DLG2: variants seen among roughly 807,000 people sequenced by gnomAD.
The protein encoded by DLG2 is discs large MAGUK scaffold protein 2, also known as disks large homolog 2.
In DLG2, 45 loss-of-function variants were observed where a neutral mutation model predicts 132.5. The ratio of observed to expected loss-of-function variants is 0.34; its 90% CI spans 0.27 to 0.44. The LOEUF is 0.44. Ranked by LOEUF, DLG2 falls within the 20% of genes least tolerant of loss-of-function variation. The pLI is 1.00. For synonymous variants in DLG2, 424 were observed against 419.6 expected (o/e 1.01, Z -0.13); for missense variants, 1,045 against 1,196.9 (o/e 0.87, Z 1.87).
intron 6 of DLG2, among the ~76,000 whole-genome samples, chr11:85,087,864 A>AAAAAAAAAAAAAAAAAAAAAAAG (rs2068187524): frequency 6.7e-6 from 1 of 149,086 alleles, no homozygotes; most frequent in Non-Finnish European, 1.5e-5. Context: ...AAAAAAAAAA[A>AAAAAAAAAAAAAAAAAAAAAAAG]AAAAACAGAT....
intron 3 of DLG2, among the ~76,000 whole-genome samples, chr11:85,466,891 T>C (rs2092810151): frequency 6.6e-6 from 1 of 152,200 alleles, no homozygotes; most frequent in African/African-American, 2.4e-5. Flanking sequence ...ATCTATTAAT[T>C]ACCTTGGGCA....
At chr11:84,748,243 G>T (rs2065642807) in intron 6 of DLG2, among the ~76,000 whole-genome samples, 1 of 152,236 alleles carries the variant, frequency 6.6e-6, no homozygotes, top group African/African-American at 2.4e-5. Flanking sequence ...AATCTGCTGA[G>T]GCCCCCAACA....
intron 20 of DLG2, among the ~76,000 whole-genome samples, chr11:83,534,835 C>T (rs573753327): frequency 1.4e-4 from 22 of 152,150 alleles, no homozygotes; most frequent in Admixed American, 6.5e-4. Context: ...CCCAGCTACG[C>T]GGGAGGCTGA....
At position 84,880,033 on chromosome 11, in the gene DLG2, A is replaced by T. The variant is rs55886831; in HGVS notation, c.357+231628T>A. On this transcript the variant is annotated intron_variant, in intron 6 of 27. Coordinates refer to ENST00000376104, the MANE Select transcript of DLG2 (RefSeq NM_001142699.3). ...GAAATAAGAATAGTACTATAAAGTGATTTTTTAAAAAAGCACAAGAATCAT... is the reference window on the plus strand; with the variant it reads ...GAAATAAGAATAGTACTATAAAGTGTTTTTTTAAAAAAGCACAAGAATCAT... Among the ~76,000 whole-genome samples the T allele has an allele frequency of 5.6e-3, 848 of 152,264 alleles. 13 individuals carry two copies. The highest frequency in any genetic ancestry group is 0.019 in the African/African-American group (804 of 41,554).
chr11:84,714,553 C>CTCTCTG (rs1391760351), intron 6 of DLG2, among the ~76,000 whole-genome samples: 1 of 109,202 alleles, frequency 9.2e-6, no homozygotes, highest in Admixed American at 8.8e-5. Flanking sequence ...TTCTCTTTCT[C>CTCTCTG]TCTCTTTCTC....
Position 83,967,287 on chromosome 11 carries a change from T to C in DLG2, c.1057-1819A>G, listed in dbSNP as rs74488761. On this transcript the variant is annotated intron_variant, in intron 12 of 27. Transcript: ENST00000376104. ...TGCTGGGTAACATGGTAAATCTATT[T>C]TTAATTTATTTAGGAGCCTGCATAC... 5.8e-4 allele frequency among the ~76,000 whole-genome samples: 89 copies of C among 152,192 alleles called. No individual in the cohort carries two copies. In the East Asian group the frequency reaches 0.015, roughly 25 times the overall value.
chr11:84,153,458 T>G (rs1167043307), intron 9 of DLG2, among the ~76,000 whole-genome samples: 1 of 152,212 alleles, frequency 6.6e-6, no homozygotes, highest in Non-Finnish European at 1.5e-5. Context: ...CTCTTTCTCC[T>G]TCTCTCTTGG....
At chr11:83,594,840 T>C (rs1189170645) in intron 19 of DLG2, among the ~76,000 whole-genome samples, 1 of 152,172 alleles carries the variant, frequency 6.6e-6, no homozygotes, top group East Asian at 1.9e-4. Context: ...CGTCCCTACT[T>C]TAAAGATGGT....
chr11:84,032,962 C>A (rs536682067), intron 11 of DLG2, among the ~76,000 whole-genome samples: 140 of 152,276 alleles, frequency 9.2e-4, no homozygotes, highest in Non-Finnish European at 1.6e-3. Flanking sequence ...TTTAAGCCTA[C>A]TCTTGAGATG....
chr11:84,980,949 C>CT (rs1467794775), intron 6 of DLG2, among the ~76,000 whole-genome samples: 1 of 152,122 alleles, frequency 6.6e-6, no homozygotes. Flanking sequence ...GGGCATATGC[C>CT]TTTCTTTTGT....
At chr11:85,400,225 C>A (rs2152961462) in intron 3 of DLG2, among the ~76,000 whole-genome samples, 1 of 151,842 alleles carries the variant, frequency 6.6e-6, no homozygotes, top group South Asian at 2.1e-4. Flanking sequence ...ATCAAAACCA[C>A]AATGAGATAC....
At chr11:83,959,207 T>C (rs1437829376) in intron 14 of DLG2, among the ~76,000 whole-genome samples, 1 of 152,140 alleles carries the variant, frequency 6.6e-6, no homozygotes, top group Non-Finnish European at 1.5e-5. Context: ...TACATTTCTT[T>C]AATAGAAATA....
intron 21 of DLG2, among the ~76,000 whole-genome samples, chr11:83,511,630 G>C (rs2095036813): frequency 6.6e-6 from 1 of 151,516 alleles, no homozygotes; most frequent in Non-Finnish European, 1.5e-5. Context: ...GATTGTTTTT[G>C]TCAAATATTA....
chr11:84,707,558 A>G (rs901925824), intron 6 of DLG2, among the ~76,000 whole-genome samples: 1 of 151,810 alleles, frequency 6.6e-6, no homozygotes, highest in African/African-American at 2.4e-5. Flanking sequence ...ACATACTCTT[A>G]TCCATTATAA....
intron 9 of DLG2, among the ~76,000 whole-genome samples, chr11:84,120,864 C>T (rs1325596428): frequency 2.6e-5 from 4 of 152,290 alleles, no homozygotes; most frequent in Admixed American, 6.5e-5. Flanking sequence ...TGTATGTATT[C>T]TTTCGAATAA....
At chr11:83,922,235 A>C (rs2078088757) in intron 15 of DLG2, among the ~76,000 whole-genome samples, 1 of 152,160 alleles carries the variant, frequency 6.6e-6, no homozygotes, top group East Asian at 1.9e-4. Flanking sequence ...TATAAAATCA[A>C]GGGGTATTTC....
chr11:84,964,052 T>C (rs1470281031), intron 6 of DLG2, among the ~76,000 whole-genome samples: 1 of 152,140 alleles, frequency 6.6e-6, no homozygotes, highest in Non-Finnish European at 1.5e-5. Flanking sequence ...CAAAGCTTTC[T>C]GGAATCACTC....
At chr11:84,924,905 G>A (rs1337238322) in intron 6 of DLG2, among the ~76,000 whole-genome samples, 6 of 152,118 alleles carry the variant, frequency 3.9e-5, no homozygotes, top group South Asian at 2.1e-4. Context: ...CTTTTTCTAC[G>A]GACTTTAAAT....
In DLG2 at chr11:84,040,195, C is replaced by A. The variant is rs566021424; in HGVS notation, c.919+19120G>T. 1.1e-4 allele frequency among the ~76,000 whole-genome samples: 16 copies of A among 150,512 alleles called. 1 individual carries two copies. In the South Asian group the frequency reaches 2.7e-3, roughly 26 times the overall value. ...TGCCTGTTCACTCTGATGGTAGTTT[C>A]TTTTGCTGTGCAGAAGCTCTTTAGT... On this transcript the variant is annotated intron_variant, in intron 11 of 27. Transcript: ENST00000376104.
Sources: gnomAD v4.1 joint callset for allele counts (sites outside exome capture counted in the v4.1 genomes callset) on GRCh38, gnomAD v4.1.1 for gene constraint, MANE v1.5 for transcripts, NCBI Gene and HGNC (gene_info 2026-07-23, HGNC 2026-07-21) for gene names.